ATG5: variants seen among roughly 807,000 people sequenced by gnomAD.
ATG5 encodes the protein autophagy related 5.
A neutral mutation model predicts 36.5 loss-of-function variants in ATG5; 14 were observed. That is an observed-to-expected ratio of 0.38 (90% CI 0.25 to 0.60). The LOEUF is 0.60. ATG5 is among the 20% of genes least tolerant of loss of function. The probability of loss-of-function intolerance (pLI) is 0.60; values close to 1 mark genes in which losing one functional copy is unlikely to be tolerated. For missense variants in ATG5, 195 were observed against 326.7 expected (o/e 0.60, Z 3.11); for synonymous variants, 95 against 101.5 (o/e 0.94, Z 0.38).
At chr6:106,292,596 ATT>A (rs1780356565) in intron 4 of ATG5, among the ~76,000 whole-genome samples, 1 of 152,118 alleles carries the variant, frequency 6.6e-6, no homozygotes, top group Non-Finnish European at 1.5e-5. Context: ...TACATGCAAG[ATT>A]TTTGTTTTTT....
chr6:106,254,100 A>G (rs972637187), intron 5 of ATG5, among the ~76,000 whole-genome samples: 6 of 152,108 alleles, frequency 3.9e-5, no homozygotes, highest in Non-Finnish European at 8.8e-5. Flanking sequence ...TCCCTAGTAA[A>G]TACCAAACTT....
chr6:106,261,995 G>A (rs1391963033), intron 5 of ATG5, among the ~76,000 whole-genome samples: 4 of 152,180 alleles, frequency 2.6e-5, no homozygotes, highest in African/African-American at 9.7e-5. Flanking sequence ...CTGCTCCACA[G>A]GAGTGGTTCC....
At chr6:106,249,659 G>T (rs1042479828) in intron 5 of ATG5, among the ~76,000 whole-genome samples, 1 of 152,190 alleles carries the variant, frequency 6.6e-6, no homozygotes, top group South Asian at 2.1e-4. Context: ...CTGATACATG[G>T]TAACTGTGTT....
intron 6 of ATG5, among the ~76,000 whole-genome samples, chr6:106,230,556 C>T (rs1375195642): frequency 5.3e-5 from 8 of 152,146 alleles, no homozygotes; most frequent in African/African-American, 1.9e-4. Context: ...GGTGGTTACA[C>T]ACCCCGGAAA....
intron 5 of ATG5, among the ~76,000 whole-genome samples, chr6:106,249,513 T>C (rs1262752768): frequency 6.6e-6 from 1 of 152,198 alleles, no homozygotes; most frequent in East Asian, 1.9e-4. Context: ...ATTTAAGTAG[T>C]TTCCGCTTTT....
At chr6:106,293,180 A>G in intron 3 of ATG5, 74 bp from the exon 4 acceptor site, 1 of 1,264,262 alleles carries the variant, frequency 7.9e-7, no homozygotes, top group Non-Finnish European at 1.1e-6. Flanking sequence ...TAAATTTCCA[A>G]CACATATTTT....
intron 6 of ATG5, among the ~76,000 whole-genome samples, chr6:106,243,676 C>A (rs1778214193): frequency 6.6e-6 from 1 of 151,650 alleles, no homozygotes; most frequent in Non-Finnish European, 1.5e-5. Context: ...ACTAAAAATA[C>A]AAAAATTAGC....
At chr6:106,208,024 G>A (rs1309539608) in intron 6 of ATG5, among the ~76,000 whole-genome samples, 3 of 152,126 alleles carry the variant, frequency 2.0e-5, no homozygotes, top group African/African-American at 4.8e-5. Flanking sequence ...CCCAGGGGGC[G>A]GAGGTTGCAG....
chr6:106,285,580 G>GGC (rs1395295256), intron 4 of ATG5, among the ~76,000 whole-genome samples: 1 of 152,144 alleles, frequency 6.6e-6, no homozygotes, highest in Non-Finnish European at 1.5e-5. Context: ...GTTAAAGACT[G>GGC]GCAATAGAGA....
intron 3 of ATG5, among the ~76,000 whole-genome samples, chr6:106,304,823 G>T (rs1770377195): frequency 6.6e-6 from 1 of 152,142 alleles, no homozygotes; most frequent in Non-Finnish European, 1.5e-5. Context: ...CAGGCACGGT[G>T]GCTCACACCT....
At chr6:106,276,504 A>C (rs1779662080) in intron 5 of ATG5, among the ~76,000 whole-genome samples, 1 of 151,510 alleles carries the variant, frequency 6.6e-6, no homozygotes, top group Non-Finnish European at 1.5e-5. Context: ...AAAGCAGTTG[A>C]CTTGACCTAA....
intron 5 of ATG5, among the ~76,000 whole-genome samples, chr6:106,278,386 A>C (rs1455549027): frequency 6.6e-6 from 1 of 152,188 alleles, no homozygotes; most frequent in Non-Finnish European, 1.5e-5. Context: ...AACTTCTAAT[A>C]TTTTATTATT....
At chr6:106,243,257 A>G (rs1240545444) in intron 6 of ATG5, among the ~76,000 whole-genome samples, 1 of 152,180 alleles carries the variant, frequency 6.6e-6, no homozygotes, top group African/African-American at 2.4e-5. Flanking sequence ...TCAATCGTCA[A>G]TGGGAAAGGA....
chr6:106,254,591 T>C (rs1778728500), intron 5 of ATG5, among the ~76,000 whole-genome samples: 1 of 152,180 alleles, frequency 6.6e-6, no homozygotes, highest in Admixed American at 6.5e-5. Flanking sequence ...ACTGCCTGGG[T>C]TTGTTTCCCA....
chr6:106,265,329 A>C (rs1454193562), intron 5 of ATG5, among the ~76,000 whole-genome samples: 3 of 152,222 alleles, frequency 2.0e-5, no homozygotes, highest in Non-Finnish European at 1.5e-5. Flanking sequence ...TGCACCCAAT[A>C]CAGGAGCATC....
intron 5 of ATG5, among the ~76,000 whole-genome samples, chr6:106,277,994 G>T (rs919938974): frequency 6.6e-6 from 1 of 151,790 alleles, no homozygotes; most frequent in Non-Finnish European, 1.5e-5. Context: ...ACTCAGAGTG[G>T]AGTGTGGTGG....
intron 3 of ATG5, among the ~76,000 whole-genome samples, chr6:106,303,726 T>C (rs571532945): frequency 2.1e-4 from 32 of 152,244 alleles, no homozygotes; most frequent in African/African-American, 7.7e-4. Flanking sequence ...ATAAGATTTA[T>C]TAAATGTATA....
chr6:106,238,193 C>T (rs968501205), intron 6 of ATG5, among the ~76,000 whole-genome samples: 5 of 151,986 alleles, frequency 3.3e-5, no homozygotes, highest in South Asian at 2.1e-4. Flanking sequence ...TTTTTAGAGA[C>T]GGAGTCTTGC....
intron 6 of ATG5, among the ~76,000 whole-genome samples, chr6:106,222,972 C>T (rs999195040): frequency 2.0e-5 from 3 of 152,010 alleles, no homozygotes; most frequent in African/African-American, 7.3e-5. Context: ...ATTTTTTAAT[C>T]TTAAAAATAT....
Sources: gnomAD v4.1 joint callset for allele counts (sites outside exome capture counted in the v4.1 genomes callset) on GRCh38, gnomAD v4.1.1 for gene constraint, MANE v1.5 for transcripts, NCBI Gene and HGNC (gene_info 2026-07-23, HGNC 2026-07-21) for gene names.